The following STARD13 variants were observed in gnomAD, a reference collection of about 807,000 sequenced individuals.
STARD13 encodes StAR related lipid transfer domain containing 13, also known as stAR-related lipid transfer protein 13.
Under a neutral mutation model 106.4 loss-of-function variants are expected in STARD13, and 62 were observed. The ratio of observed to expected loss-of-function variants is 0.58; its 90% CI spans 0.48 to 0.72. The LOEUF is 0.72. STARD13 is among the 30% of genes least tolerant of loss of function. The probability of loss-of-function intolerance (pLI) is 0.00; values close to 1 mark genes in which losing one functional copy is unlikely to be tolerated. For synonymous variants in STARD13, 565 were observed against 553.0 expected, an observed-to-expected ratio of 1.02 and a Z score of -0.31; for missense variants, 1,387 against 1,424.0, an observed-to-expected ratio of 0.97 and a Z score of 0.42.
At chr13:33,123,054 T>TAAAAAAA in intron 7 of STARD13, among the ~76,000 whole-genome samples, 1 of 10,466 alleles carries the variant, frequency 9.6e-5, no homozygotes, top group Non-Finnish European at 1.9e-4. Flanking sequence ...AGACTCCATC[T>TAAAAAAA]CAAAAAAAAA....
the STARD13 span, among the ~76,000 whole-genome samples, chr13:33,449,953 A>C: frequency 6.6e-6 from 1 of 152,162 alleles, no homozygotes; most frequent in Non-Finnish European, 1.5e-5. Flanking sequence ...ACTTTGCTTA[A>C]TTTATTTATC....
chr13:33,418,466 C>T, the STARD13 span, among the ~76,000 whole-genome samples: 5 of 152,248 alleles, frequency 3.3e-5, no homozygotes, highest in Admixed American at 3.3e-4. Context: ...CCCACCGCAG[C>T]TCAGCAAGGC....
the STARD13 span, among the ~76,000 whole-genome samples, chr13:33,377,022 G>A: frequency 6.6e-6 from 1 of 152,180 alleles, no homozygotes; most frequent in African/African-American, 2.4e-5. Context: ...ATGGTATTCA[G>A]CACATAAGAA....
At chr13:33,358,360 A>G in the STARD13 span, among the ~76,000 whole-genome samples, 1 of 152,078 alleles carries the variant, frequency 6.6e-6, no homozygotes, top group Non-Finnish European at 1.5e-5. Context: ...GGGCTGAGGA[A>G]TGTAAGCGCA....
the STARD13 span, among the ~76,000 whole-genome samples, chr13:33,394,529 G>C: frequency 1.3e-3 from 194 of 152,258 alleles, 1 homozygote; most frequent in Admixed American, 3.7e-3. Context: ...GCCTGGATCT[G>C]CTAGGGCCTA....
the STARD13 span, among the ~76,000 whole-genome samples, chr13:33,436,362 G>A: frequency 8.5e-5 from 13 of 152,286 alleles, no homozygotes; most frequent in African/African-American, 3.1e-4. Flanking sequence ...GAAGAACACA[G>A]TAATTTGGCT....
chr13:33,159,637 T>G (rs1882392231), intron 3 of STARD13, among the ~76,000 whole-genome samples: 1 of 152,222 alleles, frequency 6.6e-6, no homozygotes, highest in Non-Finnish European at 1.5e-5. Flanking sequence ...ACAAAGCTAC[T>G]AGAACTCATG....
chr13:33,648,064 T>A, the STARD13 span, among the ~76,000 whole-genome samples: 3 of 152,188 alleles, frequency 2.0e-5, no homozygotes, highest in Non-Finnish European at 4.4e-5. Flanking sequence ...AAAAGCATAT[T>A]TATAAGCTGA....
rs551810990 is a variant in STARD13 at position 33,294,358 on chromosome 13, A to G, written c.124+55932T>C. Among the ~76,000 whole-genome samples, 12 of 152,222 alleles carry G rather than the reference A, an allele frequency of 7.9e-5. 1 individual carries two copies. In the South Asian group the frequency reaches 1.9e-3, roughly 24 times the overall value. ...CAAGCTGCCTTCTTTTCTAGCTTAT[A>G]TTTTTTCCAAAGGGATATGATGGCA... On this transcript the variant is annotated intron_variant, in intron 1 of 5. Transcript: ENST00000567873.
At chr13:33,139,215 C>G (rs1356441580) in intron 4 of STARD13, among the ~76,000 whole-genome samples, 3 of 152,290 alleles carry the variant, frequency 2.0e-5, no homozygotes, top group Middle Eastern at 3.4e-3. Flanking sequence ...AGAGGCTCAC[C>G]CAGACTCCAG....
At chr13:33,624,658 A>G in the STARD13 span, among the ~76,000 whole-genome samples, 1 of 152,230 alleles carries the variant, frequency 6.6e-6, no homozygotes, top group Admixed American at 6.5e-5. Context: ...TGAGCCTCCT[A>G]AGGCCAGTAC....
At chr13:33,618,936 G>T in the STARD13 span, among the ~76,000 whole-genome samples, 1 of 151,962 alleles carries the variant, frequency 6.6e-6, no homozygotes, top group African/African-American at 2.4e-5. Context: ...ATCTGTGTGT[G>T]TGTGTTTTGT....
chr13:33,647,652 C>G, the STARD13 span, among the ~76,000 whole-genome samples: 1 of 152,172 alleles, frequency 6.6e-6, no homozygotes, highest in Non-Finnish European at 1.5e-5. Flanking sequence ...TTTGACATAT[C>G]TAGGTTGTTG....
the STARD13 span, among the ~76,000 whole-genome samples, chr13:33,489,840 G>A: frequency 8.5e-5 from 13 of 152,152 alleles, no homozygotes; most frequent in Admixed American, 6.5e-4. Flanking sequence ...AAGACTCTCA[G>A]AGAATTACCA....
intron 11 of STARD13, among the ~76,000 whole-genome samples, chr13:33,110,466 G>A (rs1874370071): frequency 6.6e-6 from 1 of 152,152 alleles, no homozygotes; most frequent in Admixed American, 6.5e-5. Flanking sequence ...AGCTACGGGG[G>A]AGAGACAGGA....
At chr13:33,372,049 T>A in the STARD13 span, among the ~76,000 whole-genome samples, 6 of 152,340 alleles carry the variant, frequency 3.9e-5, no homozygotes, top group East Asian at 1.2e-3. Flanking sequence ...GTAACCCCTT[T>A]TAATGTAAGC....
At chr13:33,235,069 T>C (rs1482869315) in intron 1 of STARD13, among the ~76,000 whole-genome samples, 1 of 152,340 alleles carries the variant, frequency 6.6e-6, no homozygotes, top group Non-Finnish European at 1.5e-5. Flanking sequence ...AAGTGGCGTC[T>C]TCAAACTAGC....
chr13:33,406,554 T>C, the STARD13 span, among the ~76,000 whole-genome samples: 1 of 152,224 alleles, frequency 6.6e-6, no homozygotes, highest in Admixed American at 6.5e-5. Context: ...ATCTAGATTA[T>C]TGATTGTTTA....
the STARD13 span, among the ~76,000 whole-genome samples, chr13:33,520,799 C>T: frequency 6.6e-6 from 1 of 152,090 alleles, no homozygotes; most frequent in Non-Finnish European, 1.5e-5. Flanking sequence ...GCAGGAGATC[C>T]CCCATGCCCC....
Sources: gnomAD v4.1 joint callset for allele counts (sites outside exome capture counted in the v4.1 genomes callset) on GRCh38, gnomAD v4.1.1 for gene constraint, MANE v1.5 for transcripts, NCBI Gene and HGNC (gene_info 2026-07-23, HGNC 2026-07-21) for gene names.